Variants in TLK1 observed in about 807,000 individuals in gnomAD.
TLK1 encodes the protein tousled like kinase 1, also known as serine/threonine-protein kinase tousled-like 1.
A neutral mutation model predicts 105.3 loss-of-function variants in TLK1; 24 were observed. The observed-to-expected ratio is 0.23, with a 90% CI of 0.17 to 0.32. The LOEUF is 0.32. TLK1 is among the 10% of genes least tolerant of loss of function. TLK1 has a pLI of 1.00. For synonymous variants in TLK1, 321 were observed against 310.4 expected, an observed-to-expected ratio of 1.03 and a Z score of -0.36; for missense variants, 558 against 910.5, an observed-to-expected ratio of 0.61 and a Z score of 4.98.
chr2:171,004,607 A>G (rs2105360455), intron 18 of TLK1, among the ~76,000 whole-genome samples: 1 of 152,324 alleles, frequency 6.6e-6, no homozygotes, highest in Admixed American at 6.5e-5. Flanking sequence ...GTCCTTCCCT[A>G]TACTAGTGAA....
intron 5 of TLK1, 32 bp downstream of exon 5, chr2:171,058,119 T>C (rs751316186): frequency 1.2e-6 from 2 of 1,610,614 alleles, no homozygotes; most frequent in South Asian, 2.2e-5. Flanking sequence ...AGTACTGAAT[T>C]AGGAAATGGA....
At chr2:171,103,609 T>C (rs1689791463) in intron 2 of TLK1, among the ~76,000 whole-genome samples, 1 of 152,200 alleles carries the variant, frequency 6.6e-6, no homozygotes, top group Admixed American at 6.5e-5. Flanking sequence ...TTCCAGATAT[T>C]TCCAATGTTC....
chr2:171,082,298 G>A (rs1349466389), intron 3 of TLK1, among the ~76,000 whole-genome samples: 1 of 151,778 alleles, frequency 6.6e-6, no homozygotes, highest in Non-Finnish European at 1.5e-5. Context: ...GATTAAGAGG[G>A]GAGGGAATTC....
intron 1 of TLK1, among the ~76,000 whole-genome samples, chr2:171,156,233 A>G (rs909718937): frequency 7.9e-5 from 12 of 152,238 alleles, no homozygotes; most frequent in African/African-American, 2.9e-4. Context: ...CTGAAGGCAG[A>G]CAAAAAATCC....
intron 1 of TLK1, among the ~76,000 whole-genome samples, chr2:171,135,319 G>GTGTATATATATA (rs533903072): frequency 7.1e-5 from 5 of 70,312 alleles, no homozygotes; most frequent in African/African-American, 3.5e-4. Flanking sequence ...GTGTGTGTGT[G>GTGTATATATATA]TATATATATA....
intron 14 of TLK1, 104 bp downstream of exon 14, chr2:171,011,269 C>T: frequency 1.0e-6 from 1 of 964,892 alleles, no homozygotes; most frequent in Non-Finnish European, 1.5e-6. Context: ...CCTGGGGTTA[C>T]ATGTGTGAGC....
intron 1 of TLK1, among the ~76,000 whole-genome samples, chr2:171,216,345 G>A (rs1314354681): frequency 2.0e-5 from 3 of 152,044 alleles, no homozygotes; most frequent in Non-Finnish European, 4.4e-5. Context: ...GTGTGGTGGT[G>A]GGCGCCTGTA....
At chr2:171,022,079 G>C (rs890840367) in intron 12 of TLK1, among the ~76,000 whole-genome samples, 4 of 45,226 alleles carry the variant, frequency 8.8e-5, no homozygotes, top group Admixed American at 8.5e-4. Context: ...CTCCAGCCTG[G>C]GCGAAAAACA....
intron 1 of TLK1, among the ~76,000 whole-genome samples, chr2:171,120,209 A>G (rs1260215894): frequency 2.8e-5 from 4 of 143,382 alleles, no homozygotes; most frequent in Non-Finnish European, 6.0e-5. Flanking sequence ...AGGTCGTACC[A>G]CTGCACTCCA....
chr2:171,093,768 A>G (rs1355410623), intron 2 of TLK1, among the ~76,000 whole-genome samples: 1 of 152,164 alleles, frequency 6.6e-6, no homozygotes, highest in African/African-American at 2.4e-5. Flanking sequence ...TTCTGGTCAA[A>G]TCTATGGGGA....
chr2:171,127,046 T>C lies in TLK1; in HGVS notation c.140-9189A>G, dbSNP rs1356162360. Reference sequence around the variant, plus strand: ...ATCCCAGCACTTTGGGAGGCTGAGGTGAGTGGATCACCTGAGGTCAGGAGA... The same window carrying C: ...ATCCCAGCACTTTGGGAGGCTGAGGCGAGTGGATCACCTGAGGTCAGGAGA... On this transcript the variant is annotated intron_variant, in intron 1 of 20. Transcript: ENST00000431350. Among the ~76,000 whole-genome samples, 4 of 151,578 alleles carry C rather than the reference T, an allele frequency of 2.6e-5. No individual in the cohort carries two copies. The East Asian group carries it at 7.8e-4, about 29-fold the overall frequency.
chr2:171,189,099 T>C (rs1693093317), intron 1 of TLK1, among the ~76,000 whole-genome samples: 1 of 151,948 alleles, frequency 6.6e-6, no homozygotes, highest in Non-Finnish European at 1.5e-5. Flanking sequence ...GAAATATCCA[T>C]GTAACCAGAA....
At chr2:171,105,205 T>A (rs1266411146) in intron 2 of TLK1, among the ~76,000 whole-genome samples, 2 of 151,908 alleles carry the variant, frequency 1.3e-5, no homozygotes, top group Non-Finnish European at 2.9e-5. Context: ...AATCATAGAG[T>A]GAAGATACAA....
At chr2:171,227,677 C>A (rs1693928359) in intron 1 of TLK1, among the ~76,000 whole-genome samples, 2 of 139,544 alleles carry the variant, frequency 1.4e-5, no homozygotes, top group Admixed American at 8.1e-5. Context: ...AACAGTCGAA[C>A]AGCCAGAAAA....
chr2:171,170,176 T>C (rs538873325), intron 1 of TLK1, among the ~76,000 whole-genome samples: 4 of 152,258 alleles, frequency 2.6e-5, no homozygotes, highest in South Asian at 2.1e-4. Flanking sequence ...TATAAAAAAA[T>C]ACTTCTAAAT....
At chr2:171,100,442 G>T (rs960782709) in intron 2 of TLK1, among the ~76,000 whole-genome samples, 1 of 152,080 alleles carries the variant, frequency 6.6e-6, no homozygotes, top group African/African-American at 2.4e-5. Flanking sequence ...TATAAAGCAA[G>T]GTTCCCCCTC....
intron 2 of TLK1, 38 bp downstream of exon 2, chr2:171,117,697 TAGAA>T (rs750546767): frequency 1.7e-5 from 25 of 1,484,544 alleles, no homozygotes; most frequent in African/African-American, 8.4e-5. Flanking sequence ...GATCATTTAA[TAGAA>T]AGAAAGACTG....
At chr2:171,222,429 C>T (rs1274539144) in intron 1 of TLK1, among the ~76,000 whole-genome samples, 2 of 152,056 alleles carry the variant, frequency 1.3e-5, no homozygotes, top group Non-Finnish European at 2.9e-5. Flanking sequence ...TCCCCAGGCT[C>T]AAGCCATCCT....
At chr2:171,149,860 T>G (rs1691959337) in intron 1 of TLK1, among the ~76,000 whole-genome samples, 2 of 152,234 alleles carry the variant, frequency 1.3e-5, no homozygotes, top group South Asian at 4.1e-4. Context: ...TGAGCCGTGA[T>G]CATGTCACTG....
Sources: allele counts gnomAD v4.1 joint callset (sites outside exome capture counted in the v4.1 genomes callset), GRCh38; gene constraint gnomAD v4.1.1; transcripts MANE v1.5; gene names NCBI Gene and HGNC (gene_info 2026-07-23, HGNC 2026-07-21).